The following NDST1 variants were observed in gnomAD, a reference collection of about 807,000 sequenced individuals.
NDST1 encodes the protein bifunctional heparan sulfate N-deacetylase/N-sulfotransferase 1.
Under a neutral mutation model 92.8 loss-of-function variants are expected in NDST1, and 35 were observed. That is an observed-to-expected ratio of 0.38 (90% CI 0.29 to 0.50). The LOEUF is 0.50. NDST1 is among the 20% of genes least tolerant of loss of function. The pLI, the probability that NDST1 is intolerant of heterozygous loss-of-function variation, is 0.94. For missense variants in NDST1, 822 were observed against 1,182.7 expected (o/e 0.69, Z 4.47); for synonymous variants, 493 against 500.3 (o/e 0.99, Z 0.19).
At chr5:150,509,225 C>T (rs1221946151) in intron 1 of NDST1, among the ~76,000 whole-genome samples, 1 of 152,160 alleles carries the variant, frequency 6.6e-6, no homozygotes, top group Non-Finnish European at 1.5e-5. Context: ...GTCGGGCATG[C>T]GGGAGGGTGG....
chr5:150,515,860 G>A (rs1753935837), intron 1 of NDST1, among the ~76,000 whole-genome samples: 1 of 152,184 alleles, frequency 6.6e-6, no homozygotes, highest in African/African-American at 2.4e-5. Flanking sequence ...CTTGGGTGGA[G>A]GGTGGCAGCC....
At chr5:150,530,302 T>G (rs766671455) in intron 3 of NDST1, among the ~76,000 whole-genome samples, 4 of 152,194 alleles carry the variant, frequency 2.6e-5, no homozygotes, top group Non-Finnish European at 5.9e-5. Flanking sequence ...GTTTTAGCCT[T>G]CCAGTCTAAG....
intron 14 of NDST1, chr5:150,552,579 C>A (rs1755770192): frequency 5.6e-6 from 1 of 179,486 alleles, no homozygotes; most frequent in Non-Finnish European, 1.2e-5. Flanking sequence ...CCTCGACCCC[C>A]TGGGCTCAAT....
intron 10 of NDST1, among the ~76,000 whole-genome samples, chr5:150,543,724 TTTA>T (rs1755349656): frequency 1.3e-5 from 2 of 152,270 alleles, no homozygotes; most frequent in Non-Finnish European, 1.5e-5. Context: ...ATTACCATTA[TTTA>T]TTATTTTTAT....
At position 150,545,596 on chromosome 5, in the gene NDST1, G is replaced by A. The variant is rs979536321; in HGVS notation, c.2145+110G>A. 13 of 1,393,042 alleles carry A rather than the reference G, an allele frequency of 9.3e-6. No homozygotes were observed. In the South Asian group the frequency reaches 1.5e-4, roughly 16 times the overall value. 86.3% of individuals were successfully genotyped at this position (1,393,042 alleles called of 1,614,324 possible). On this transcript the variant is annotated intron_variant, in intron 11 of 14. Coordinates refer to ENST00000261797, the MANE Select transcript of NDST1 (RefSeq NM_001543.5). ...ATTAGTAAGCACCTACTGTGTGCCA[G>A]CCCTGAGCCAGGCGCCTGGAGCGTG...
At chr5:150,516,644 G>A (rs1355511668) in intron 1 of NDST1, among the ~76,000 whole-genome samples, 2 of 152,142 alleles carry the variant, frequency 1.3e-5, no homozygotes, top group East Asian at 3.9e-4. Flanking sequence ...TGGCAGGGAG[G>A]CTCTGAACTC....
chr5:150,518,790 T>G (rs2151265967), intron 1 of NDST1: 1 of 152,300 alleles, frequency 6.6e-6, no homozygotes, highest in South Asian at 2.1e-4. Context: ...TTGCTTTTTT[T>G]TTTTTAGATA....
intron 6 of NDST1, among the ~76,000 whole-genome samples, chr5:150,538,097 C>T (rs1391942209): frequency 6.6e-6 from 1 of 152,202 alleles, no homozygotes; most frequent in Non-Finnish European, 1.5e-5. Context: ...CACGCTGCCA[C>T]ATGAGGAAGA....
chr5:150,511,262 C>T (rs1753707898), intron 1 of NDST1, among the ~76,000 whole-genome samples: 1 of 152,218 alleles, frequency 6.6e-6, no homozygotes, highest in African/African-American at 2.4e-5. Context: ...AGGTAATTGG[C>T]AAGGGCACAA....
At position 150,521,422 on chromosome 5, in the gene NDST1, C is replaced by T. The variant is rs150409216; in HGVS notation, c.168C>T (p.Cys56=). The change falls in exon 2 of 15, where the codon TGC becomes TGT. Residue 56 remains cysteine (C), a synonymous_variant. Coordinates refer to ENST00000261797, the MANE Select transcript of NDST1 (RefSeq NM_001543.5). The surrounding 1 kb of genome is among the most constrained non-coding windows in gnomAD (Gnocchi z 5.9). ...EPSADAPEPD[C]GDPPPVAPSR... Reference sequence around the variant, plus strand: ...CGGCGGATGCCCCCGAGCCTGACTGCGGGGACCCGCCGCCTGTGGCCCCCA... The same window carrying T: ...CGGCGGATGCCCCCGAGCCTGACTGTGGGGACCCGCCGCCTGTGGCCCCCA... The T allele has an allele frequency of 5.0e-4, 801 of 1,612,708 alleles. No individual in the cohort carries two copies. Among genetic ancestry groups the T allele is most frequent in the Non-Finnish European group, 6.4e-4 (760 of 1,179,808 alleles).
intron 1 of NDST1, among the ~76,000 whole-genome samples, chr5:150,502,136 G>A (rs1043225243): frequency 4.6e-5 from 7 of 152,274 alleles, no homozygotes; most frequent in South Asian, 2.1e-4. Flanking sequence ...TGGCGGGCCC[G>A]ATGTGAGGAC....
Position 150,556,911 on chromosome 5 carries a change from C to T in NDST1, c.*3579C>T, listed in dbSNP as rs1299593024. On this transcript the variant is annotated 3_prime_UTR_variant, in exon 15 of 15. Transcript: ENST00000261797. The stretch of plus-strand genomic sequence containing the variant: ...CTTTGAATGCTGAAAGGTCTTCCCT[C>T]AGCTCACTTTGAGTTTTTAAATGAC... 6.6e-6 allele frequency: 1 copy of T among 152,656 alleles called. No homozygotes were observed. Among genetic ancestry groups the T allele is most frequent in the Non-Finnish European group, 1.5e-5 (1 of 68,050 alleles). 9.5% of individuals were successfully genotyped at this position (152,656 alleles called of 1,614,324 possible). A position where few individuals can be genotyped will look rare whatever the true frequency, so the allele number is the denominator to read the frequency against.
Position 150,548,210 on chromosome 5 carries a change from G to T in NDST1, c.2146-8G>T. 1 of 1,614,054 alleles carries T rather than the reference G, an allele frequency of 6.2e-7. No individual in the cohort carries two copies. The highest frequency in any genetic ancestry group is 8.5e-7 in the Non-Finnish European group (1 of 1,180,008). On this transcript the variant is annotated splice_region_variant and splice_polypyrimidine_tract_variant and intron_variant, in intron 11 of 14. Coordinates refer to ENST00000261797, the MANE Select transcript of NDST1 (RefSeq NM_001543.5). ...AGTGGCATGCTGACCCTCTTTCCTT[G>T]CCTGCAGCACCAGCGAGCCCATGAC... is the stretch of plus-strand genomic sequence containing the variant.
At chr5:150,498,746 AC>A (rs1227910596) in intron 1 of NDST1, among the ~76,000 whole-genome samples, 2 of 152,078 alleles carry the variant, frequency 1.3e-5, no homozygotes, top group African/African-American at 4.8e-5. Flanking sequence ...ATGAAATTGG[AC>A]CCTTGCTATT....
In NDST1 at chr5:150,532,414, G is replaced by A. The variant is rs143921996; in HGVS notation, c.1009-531G>A. On this transcript the variant is annotated intron_variant, in intron 3 of 14. Transcript: ENST00000261797. ...TTCCCTTGCCAGAGGCCTGGCGGACGGCAGCATAGGGCTGGTTTCAAGAGT... is the reference window on the plus strand; with the variant it reads ...TTCCCTTGCCAGAGGCCTGGCGGACAGCAGCATAGGGCTGGTTTCAAGAGT... 6.4e-3 allele frequency among the ~76,000 whole-genome samples: 971 copies of A among 152,320 alleles called. 14 individuals carry two copies. The highest frequency in any genetic ancestry group is 0.022 in the African/African-American group (900 of 41,568).
chr5:150,539,477 T>C lies in NDST1; in HGVS notation c.1566+121T>C, dbSNP rs1422401068. 3 of 1,593,904 alleles carry C rather than the reference T, an allele frequency of 1.9e-6. No homozygotes were observed. The Admixed American group carries it at 5.0e-5, about 27-fold the overall frequency. On this transcript the variant is annotated intron_variant, in intron 7 of 14. Coordinates refer to ENST00000261797, the MANE Select transcript of NDST1 (RefSeq NM_001543.5). Reference sequence around the variant, plus strand: ...AGAGGCATGAGTGAGTGCCTGGCAGTTGGGAGACCCACTCTCCAGCACTGG... The same window carrying C: ...AGAGGCATGAGTGAGTGCCTGGCAGCTGGGAGACCCACTCTCCAGCACTGG...
At position 150,521,832 on chromosome 5, in the gene NDST1, C is replaced by T; in HGVS notation, c.513+65C>T. 2.5e-6 allele frequency: 4 copies of T among 1,597,506 alleles called. No individual in the cohort carries two copies. Among genetic ancestry groups the T allele is most frequent in the South Asian group, 2.2e-5 (2 of 90,360 alleles). On this transcript the variant is annotated intron_variant, in intron 2 of 14. Transcript: ENST00000261797. This position sits in a 1 kb window ranked among gnomAD's most constrained non-coding sequence, Gnocchi z 5.9. Reference sequence around the variant, plus strand: ...CTCTGCAGCTCAGTGCCTGAATTCTCATTTGTGAAATAGGTGTAATGGTAG... The same window carrying T: ...CTCTGCAGCTCAGTGCCTGAATTCTTATTTGTGAAATAGGTGTAATGGTAG...
chr5:150,539,259 C>T lies in NDST1; in HGVS notation c.1469C>T (p.Thr490Ile). 1 of 1,614,176 alleles carries T rather than the reference C, an allele frequency of 6.2e-7. No homozygotes were observed. The highest frequency in any genetic ancestry group is 8.5e-7 in the Non-Finnish European group (1 of 1,180,032). The change falls in exon 7 of 15, where the codon ACA becomes ATA. Residue 490 changes from threonine (T) to isoleucine (I), a missense_variant. By Grantham distance (89) the Thr-to-Ile change is moderately conservative. Coordinates refer to ENST00000261797, the MANE Select transcript of NDST1 (RefSeq NM_001543.5). ...CCACGGCAGACCTGCGGCCTCTTCA[C>T]ACACACCATCTTCTACAACGAGTAC... ...VLPRQTCGLFTHTIFYNEYPG... is the reference protein window; with the variant it reads ...VLPRQTCGLFIHTIFYNEYPG...
chr5:150,504,803 C>T (rs909384202), upstream of NDST1, among the ~76,000 whole-genome samples: 11 of 152,170 alleles, frequency 7.2e-5, no homozygotes, highest in Non-Finnish European at 1.0e-4. Context: ...ATGCAGAGTA[C>T]AACACCTGGT....
Sources: gnomAD v4.1 joint callset for allele counts (sites outside exome capture counted in the v4.1 genomes callset) on GRCh38, gnomAD v4.1.1 for gene constraint, Gnocchi (gnomAD v3.1) non-coding constraint, MANE v1.5 for transcripts, NCBI Gene and HGNC (gene_info 2026-07-23, HGNC 2026-07-21) for gene names.